The following DENND2B variants were observed in gnomAD, a reference collection of about 807,000 sequenced individuals.
The protein encoded by DENND2B is DENN domain containing 2B.
In DENND2B, 32 loss-of-function variants were observed where a neutral mutation model predicts 116.0. The observed-to-expected ratio is 0.28, with a 90% CI of 0.21 to 0.37. The LOEUF is 0.37. Ranked by LOEUF, DENND2B falls within the 10% of genes least tolerant of loss-of-function variation. DENND2B has a pLI of 1.00. For synonymous variants in DENND2B, 588 were observed against 583.9 expected (o/e 1.01, Z -0.10); for missense variants, 1,276 against 1,477.7 (o/e 0.86, Z 2.24).
chr11:8,718,242 G>C (rs2045416383), intron 4 of DENND2B: 1 of 1,014,488 alleles, frequency 9.9e-7, no homozygotes, highest in Non-Finnish European at 1.5e-6. Flanking sequence ...TCTTTCCTTG[G>C]CTCCCTTCCC....
intron 14 of DENND2B, among the ~76,000 whole-genome samples, chr11:8,701,963 T>C (rs1253551148): frequency 6.6e-6 from 1 of 152,082 alleles, no homozygotes; most frequent in Non-Finnish European, 1.5e-5. Context: ...CATCATCTGT[T>C]TCCCGGTGTG....
chr11:8,736,529 G>A (rs979948856), intron 2 of DENND2B, among the ~76,000 whole-genome samples: 3 of 152,174 alleles, frequency 2.0e-5, no homozygotes, highest in Non-Finnish European at 4.4e-5. Flanking sequence ...AATAAAGAAG[G>A]GGAAAGGGAT....
At chr11:8,813,307 G>A (rs577001445), upstream of DENND2B, among the ~76,000 whole-genome samples, 8 of 152,264 alleles carry the variant, frequency 5.3e-5, no homozygotes, top group South Asian at 1.7e-3. Context: ...GAAGCAATCA[G>A]AGCTTGAAAG....
intron 3 of DENND2B, among the ~76,000 whole-genome samples, chr11:8,850,817 T>C (rs945927439): frequency 6.6e-6 from 1 of 152,150 alleles, no homozygotes. Flanking sequence ...ATGTGGTTTA[T>C]ATACACACAA....
intron 3 of DENND2B, among the ~76,000 whole-genome samples, chr11:8,843,345 T>C (rs1176745564): frequency 6.6e-6 from 1 of 152,134 alleles, no homozygotes; most frequent in African/African-American, 2.4e-5. Flanking sequence ...AAGGCCCTAA[T>C]TGAGCATGTG....
intron 3 of DENND2B, among the ~76,000 whole-genome samples, chr11:8,850,189 A>T (rs1346602784): frequency 6.6e-6 from 1 of 152,224 alleles, no homozygotes; most frequent in Non-Finnish European, 1.5e-5. Flanking sequence ...AAATTTTTGT[A>T]TGTGGAAAAC....
chr11:8,865,062 C>T (rs184720403), intron 2 of DENND2B, among the ~76,000 whole-genome samples: 5 of 152,136 alleles, frequency 3.3e-5, no homozygotes, highest in Admixed American at 3.3e-4. Context: ...ATTAAGAGTC[C>T]CATAAAAAGG....
At chr11:8,743,536 T>G (rs911768108) in intron 2 of DENND2B, among the ~76,000 whole-genome samples, 25 of 151,920 alleles carry the variant, frequency 1.6e-4, no homozygotes, top group African/African-American at 5.6e-4. Flanking sequence ...GGTGACAGAG[T>G]GAGACCCTGT....
intron 2 of DENND2B, among the ~76,000 whole-genome samples, chr11:8,878,940 A>G (rs1418787146): frequency 6.6e-6 from 1 of 152,214 alleles, no homozygotes; most frequent in East Asian, 1.9e-4. Context: ...GAGAGTGGTG[A>G]AAATGTTTTG....
At chr11:8,893,998 T>C (rs937744720) in intron 1 of DENND2B, among the ~76,000 whole-genome samples, 1 of 152,040 alleles carries the variant, frequency 6.6e-6, no homozygotes, top group Non-Finnish European at 1.5e-5. Context: ...CTTCAAACTA[T>C]ACTACAAGGC....
chr11:8,702,451 A>G lies in DENND2B; in HGVS notation c.2720+121T>C, dbSNP rs1416387346. ...TTTCCACCTAGTCTTCCATCTCCCT[A>G]CGCACAGCCCCACTCCAGCACTGGT... is the stretch of plus-strand genomic sequence containing the variant. On this transcript the variant is annotated intron_variant, in intron 14 of 19. Transcript: ENST00000313726. This position sits in a 1 kb window ranked among gnomAD's most constrained non-coding sequence, Gnocchi z 4.6. The G allele has an allele frequency of 9.9e-6, 14 of 1,413,170 alleles. No homozygotes were observed. The highest frequency in any genetic ancestry group is 8.6e-5 in the African/African-American group (6 of 69,532). The allele number at this position is 1,413,170 out of a possible 1,614,324, so 87.5% of individuals were successfully genotyped here.
In DENND2B at chr11:8,697,389, C is replaced by T. The variant is rs902557361; in HGVS notation, c.3052+136G>A. The T allele has an allele frequency of 1.5e-5, 10 of 653,536 alleles. 1 individual carries two copies. Among genetic ancestry groups the T allele is most frequent in the African/African-American group, 9.1e-5 (5 of 55,160 alleles). 40.5% of individuals were successfully genotyped at this position (653,536 alleles called of 1,614,324 possible). ...CCTAAACTACCTGGGGTAGAAAAGA[C>T]GCTAGAGTGAGACCAAGGTCCTCAT... On this transcript the variant is annotated intron_variant, in intron 17 of 19. Coordinates refer to ENST00000313726, the MANE Select transcript of DENND2B (RefSeq NM_213618.2).
At chr11:8,739,259 AGTATC>A (rs1322826077) in intron 2 of DENND2B, among the ~76,000 whole-genome samples, 1 of 152,166 alleles carries the variant, frequency 6.6e-6, no homozygotes, top group Non-Finnish European at 1.5e-5. Context: ...GGTGCAGCCC[AGTATC>A]GCCGTCAGCC....
intron 2 of DENND2B, among the ~76,000 whole-genome samples, chr11:8,877,937 T>G (rs1160882218): frequency 6.6e-6 from 1 of 152,136 alleles, no homozygotes. Context: ...AAACAACTAC[T>G]CAAAAATAAT....
intron 4 of DENND2B, chr11:8,718,096 A>AACCCCCCCCCCCCCCCCCCCC: frequency 4.6e-5 from 3 of 65,006 alleles, no homozygotes; most frequent in South Asian, 1.1e-4. Flanking sequence ...AAGCAGACCC[A>AACCCCCCCCCCCCCCCCCCCC]CCCCCCCACC....
chr11:8,786,325 A>G (rs753910759), intron 1 of DENND2B, among the ~76,000 whole-genome samples: 1 of 152,208 alleles, frequency 6.6e-6, no homozygotes, highest in Non-Finnish European at 1.5e-5. Context: ...AAAAACAAGA[A>G]AAAAATAAAT....
intron 1 of DENND2B, among the ~76,000 whole-genome samples, chr11:8,762,680 G>C (rs926486072): frequency 6.6e-6 from 1 of 152,180 alleles, no homozygotes; most frequent in Non-Finnish European, 1.5e-5. Flanking sequence ...GACCAACATG[G>C]AGAAATCTCA....
chr11:8,909,439 AAGAAGG>A (rs1555224064), intron 1 of DENND2B, among the ~76,000 whole-genome samples: 11 of 149,348 alleles, frequency 7.4e-5, no homozygotes, highest in African/African-American at 2.7e-4. Flanking sequence ...GAGGAGGAGG[AAGAAGG>A]AGAAGGAGAA....
chr11:8,828,762 C>T (rs1427671523), intron 4 of DENND2B, among the ~76,000 whole-genome samples: 3 of 152,284 alleles, frequency 2.0e-5, no homozygotes, highest in South Asian at 2.1e-4. Flanking sequence ...GAAGATTCCA[C>T]GCTGCTTTGC....
Sources: gnomAD v4.1 joint callset for allele counts (sites outside exome capture counted in the v4.1 genomes callset) on GRCh38, gnomAD v4.1.1 for gene constraint, Gnocchi (gnomAD v3.1) non-coding constraint, MANE v1.5 for transcripts, NCBI Gene and HGNC (gene_info 2026-07-23, HGNC 2026-07-21) for gene names.